Variants in POLN observed in about 807,000 individuals in gnomAD.
POLN encodes DNA polymerase nu, also known as DNA polymerase N.
A neutral mutation model predicts 113.5 loss-of-function variants in POLN; 108 were observed. The observed-to-expected ratio is 0.95, with a 90% CI of 0.81 to 1.12. POLN has a LOEUF of 1.12. Ranked by LOEUF, POLN falls within the 50% of genes most tolerant of loss-of-function variation. POLN has a pLI of 0.00. For missense variants in POLN, 1,097 were observed against 1,077.1 expected, an observed-to-expected ratio of 1.02 and a Z score of -0.26; for synonymous variants, 386 against 391.5, an observed-to-expected ratio of 0.99 and a Z score of 0.17.
chr4:2,148,910 C>CA (rs1732220218), intron 16 of POLN, among the ~76,000 whole-genome samples: 1 of 152,070 alleles, frequency 6.6e-6, no homozygotes, highest in Non-Finnish European at 1.5e-5. Flanking sequence ...GTAACATCTT[C>CA]AAAGTATTGA....
intron 9 of POLN, among the ~76,000 whole-genome samples, chr4:2,174,969 C>T (rs1732959608): frequency 6.6e-6 from 1 of 151,860 alleles, no homozygotes; most frequent in Admixed American, 6.6e-5. Flanking sequence ...ACTACAGGCA[C>T]CCCCCACCAT....
intron 19 of POLN, among the ~76,000 whole-genome samples, chr4:2,118,802 C>G (rs554246292): frequency 6.6e-6 from 1 of 152,364 alleles, no homozygotes; most frequent in South Asian, 2.1e-4. Context: ...TGGTTTATTT[C>G]TCATCCTCAC....
chr4:2,177,330 G>A (rs763259018), intron 8 of POLN: 15 of 474,690 alleles, frequency 3.2e-5, no homozygotes, highest in Non-Finnish European at 5.5e-5. Flanking sequence ...CTCCATAGAG[G>A]CACCATGTTC....
intron 19 of POLN, among the ~76,000 whole-genome samples, chr4:2,116,635 A>G (rs930638330): frequency 6.6e-6 from 1 of 151,696 alleles, no homozygotes; most frequent in Admixed American, 6.6e-5. Context: ...ATGTAGGGGA[A>G]CTCTTGTTGC....
At chr4:2,088,501 T>A (rs1463665759) in intron 20 of POLN, among the ~76,000 whole-genome samples, 1 of 152,216 alleles carries the variant, frequency 6.6e-6, no homozygotes, top group Non-Finnish European at 1.5e-5. Flanking sequence ...ATATACTCAG[T>A]ATAGGTTACC....
intron 15 of POLN, among the ~76,000 whole-genome samples, chr4:2,157,178 G>A (rs967044430): frequency 1.2e-4 from 18 of 152,212 alleles, no homozygotes; most frequent in African/African-American, 2.9e-4. Flanking sequence ...GGGACTGTGC[G>A]TCACAGACAG....
intron 19 of POLN, among the ~76,000 whole-genome samples, chr4:2,097,105 A>G (rs1430720161): frequency 6.6e-6 from 1 of 152,200 alleles, no homozygotes; most frequent in Non-Finnish European, 1.5e-5. Context: ...TTGCCTTACA[A>G]TGTTTCCAAG....
At chr4:2,095,131 G>C (rs1271990727) in intron 20 of POLN, among the ~76,000 whole-genome samples, 3 of 151,428 alleles carry the variant, frequency 2.0e-5, no homozygotes, top group Admixed American at 1.3e-4. Flanking sequence ...AGGGAGAGTA[G>C]AAGAAGGGTG....
intron 2 of POLN, chr4:2,240,912 T>G: frequency 6.3e-7 from 1 of 1,598,430 alleles, no homozygotes; most frequent in Non-Finnish European, 8.5e-7. Context: ...ACCAATTTTT[T>G]TTAATGTTTC....
At chr4:2,120,193 C>A (rs903905296) in intron 19 of POLN, among the ~76,000 whole-genome samples, 4 of 152,150 alleles carry the variant, frequency 2.6e-5, no homozygotes, top group Non-Finnish European at 4.4e-5. Flanking sequence ...GGTGATTCCT[C>A]CCATTTTATT....
intron 20 of POLN, among the ~76,000 whole-genome samples, chr4:2,095,518 C>T (rs1437321502): frequency 1.3e-5 from 2 of 152,232 alleles, no homozygotes; most frequent in Non-Finnish European, 1.5e-5. Flanking sequence ...TTTATAATGC[C>T]TTGGCATGTG....
chr4:2,086,871 G>A (rs2108693307), intron 20 of POLN, among the ~76,000 whole-genome samples: 1 of 152,320 alleles, frequency 6.6e-6, no homozygotes, highest in South Asian at 2.1e-4. Context: ...GGATGGTGCA[G>A]AAGCATGGCC....
intron 19 of POLN, among the ~76,000 whole-genome samples, chr4:2,122,546 C>T (rs1344663893): frequency 6.6e-6 from 1 of 152,182 alleles, no homozygotes. Flanking sequence ...TACCACTTCA[C>T]ACTCACCAGG....
In POLN at chr4:2,090,449, C is replaced by T. The variant is rs78078359; in HGVS notation, c.2066-4705G>A. On this transcript the variant is annotated intron_variant, in intron 20 of 25. Transcript: ENST00000511885. ...AAAGATTCTTTCAGATCTTCATGAT[C>T]GTATTCTTCTATAGGCTCAACGGAA... The T allele has an allele frequency of 1.4e-3, 812 of 582,062 alleles. 17 individuals are homozygous for T. In the East Asian group the frequency reaches 0.02, roughly 15 times the overall value. 36.1% of individuals were successfully genotyped at this position (582,062 alleles called of 1,614,324 possible). A position where few individuals can be genotyped will look rare whatever the true frequency, so the allele number is the denominator to read the frequency against.
chr4:2,173,239 G>C (rs899052441), intron 11 of POLN, among the ~76,000 whole-genome samples: 1 of 152,026 alleles, frequency 6.6e-6, no homozygotes, highest in Non-Finnish European at 1.5e-5. Flanking sequence ...GTTATATTGG[G>C]GTTTCCTTTA....
chr4:2,128,225 A>C lies in POLN; in HGVS notation c.1870T>G (p.Phe624Val). 1.9e-6 allele frequency: 3 copies of C among 1,583,940 alleles called. No homozygotes were observed. Among genetic ancestry groups the C allele is most frequent in the Non-Finnish European group, 8.7e-7 (1 of 1,153,284 alleles). The change falls in exon 19 of 26, where the codon TTT becomes GTT. Residue 624 changes from phenylalanine (F) to valine (V), a missense_variant and splice_region_variant. Phe to Val is a conservative substitution (Grantham distance 50, BLOSUM62 -1). Transcript: ENST00000511885. Reference sequence around the variant, plus strand: ...AGAATGCGCAATTCAATCTGTGAAAAGTCTGTGAGATACAGTTCTGCATTA... The same window carrying C: ...AGAATGCGCAATTCAATCTGTGAAACGTCTGTGAGATACAGTTCTGCATTA... ...SKGHTFLAAD[F>V]SQIELRILTH...
At chr4:2,165,658 C>A (rs531138926) in intron 13 of POLN, among the ~76,000 whole-genome samples, 2 of 152,134 alleles carry the variant, frequency 1.3e-5, no homozygotes, top group African/African-American at 4.8e-5. Flanking sequence ...ACCATTCTGT[C>A]GAGGATGTTG....
At chr4:2,172,712 C>G (rs992471590) in intron 11 of POLN, among the ~76,000 whole-genome samples, 3 of 152,128 alleles carry the variant, frequency 2.0e-5, no homozygotes, top group Non-Finnish European at 4.4e-5. Flanking sequence ...GAATGGGATC[C>G]CGTATGCATT....
At chr4:2,120,280 C>T (rs1301414215) in intron 19 of POLN, among the ~76,000 whole-genome samples, 4 of 152,132 alleles carry the variant, frequency 2.6e-5, no homozygotes, top group Non-Finnish European at 5.9e-5. Context: ...TCCATGTCTA[C>T]AAAAACCTTG....
Sources: allele counts gnomAD v4.1 joint callset (sites outside exome capture counted in the v4.1 genomes callset), GRCh38; gene constraint gnomAD v4.1.1; transcripts MANE v1.5; gene names NCBI Gene and HGNC (gene_info 2026-07-23, HGNC 2026-07-21).